TAFA2: variants seen among roughly 807,000 people sequenced by gnomAD.
The protein encoded by TAFA2 is TAFA chemokine like family member 2, also known as chemokine-like protein TAFA-2.
A neutral mutation model predicts 18.8 loss-of-function variants in TAFA2; 7 were observed. The ratio of observed to expected loss-of-function variants is 0.37; its 90% CI spans 0.21 to 0.70. The LOEUF (loss-of-function observed/expected upper bound fraction) is 0.70, where lower values mean the gene tolerates loss of function less well. Among genes scored for constraint, TAFA2 ranks in the 30% least tolerant of loss-of-function variants. The pLI is 0.53. For synonymous variants in TAFA2, 60 were observed against 54.2 expected (o/e 1.11, Z -0.47); for missense variants, 122 against 158.1 (o/e 0.77, Z 1.23).
chr12:61,877,958 TACAC>T (rs1179280949), intron 1 of TAFA2: 4 of 426,622 alleles, frequency 9.4e-6, no homozygotes, highest in Non-Finnish European at 1.9e-5. Context: ...TACATATATA[TACAC>T]ACACAGTGGA....
intron 1 of TAFA2, among the ~76,000 whole-genome samples, chr12:61,988,245 C>A (rs902926762): frequency 1.8e-4 from 28 of 152,030 alleles, no homozygotes; most frequent in African/African-American, 6.8e-4. Flanking sequence ...AATATATTCC[C>A]TTTTCACTTC....
chr12:61,931,525 TC>T (rs1354672017), intron 1 of TAFA2, among the ~76,000 whole-genome samples: 1 of 152,196 alleles, frequency 6.6e-6, no homozygotes, highest in Non-Finnish European at 1.5e-5. Context: ...CACACACCTA[TC>T]GTGGAATTTT....
At chr12:62,143,638 T>C (rs2062256177) in intron 1 of TAFA2, among the ~76,000 whole-genome samples, 1 of 152,154 alleles carries the variant, frequency 6.6e-6, no homozygotes, top group South Asian at 2.1e-4. Flanking sequence ...CTTTCAGCAG[T>C]AGCCCTGACA....
chr12:61,764,320 G>C (rs1449212997), intron 2 of TAFA2, among the ~76,000 whole-genome samples: 1 of 152,014 alleles, frequency 6.6e-6, no homozygotes, highest in Non-Finnish European at 1.5e-5. Context: ...ATACAAAACT[G>C]TAAAGAAATA....
At chr12:62,106,774 A>T (rs1869473903) in intron 1 of TAFA2, among the ~76,000 whole-genome samples, 1 of 152,198 alleles carries the variant, frequency 6.6e-6, no homozygotes, top group Admixed American at 6.5e-5. Context: ...CCTTTCAGCA[A>T]ATTAAAAGTT....
chr12:61,858,970 T>C (rs1160075245), intron 2 of TAFA2, among the ~76,000 whole-genome samples: 1 of 152,166 alleles, frequency 6.6e-6, no homozygotes, highest in Non-Finnish European at 1.5e-5. Flanking sequence ...ACATTGACAG[T>C]AAGAAGCAAA....
chr12:61,760,365 A>AATATATAT (rs71083956), intron 2 of TAFA2, among the ~76,000 whole-genome samples: 45 of 122,224 alleles, frequency 3.7e-4, no homozygotes, highest in African/African-American at 5.7e-4. Flanking sequence ...AAAATATCAA[A>AATATATAT]ATATATATAT....
At position 61,918,111 on chromosome 12, in the gene TAFA2, A is replaced by G. The variant is rs142922368; in HGVS notation, c.-1-50685T>C. Among the ~76,000 whole-genome samples, 412 of 152,214 alleles carry G rather than the reference A, an allele frequency of 2.7e-3. 3 individuals are homozygous for G. Among genetic ancestry groups the G allele is most frequent in the African/African-American group, 9.3e-3 (385 of 41,532 alleles). ...GCATGCAATATGTAATAATCACATGAGGGTAAACAGGACATCCATCACCTC... is the reference window on the plus strand; with the variant it reads ...GCATGCAATATGTAATAATCACATGGGGGTAAACAGGACATCCATCACCTC... On this transcript the variant is annotated intron_variant, in intron 1 of 4. Coordinates refer to ENST00000416284, the MANE Select transcript of TAFA2 (RefSeq NM_178539.5).
chr12:62,109,076 T>C (rs1017653705), intron 1 of TAFA2, among the ~76,000 whole-genome samples: 1 of 152,238 alleles, frequency 6.6e-6, no homozygotes, highest in East Asian at 1.9e-4. Context: ...CTGAATGGTA[T>C]TGCCTAGGTT....
intron 1 of TAFA2, among the ~76,000 whole-genome samples, chr12:61,877,174 T>C (rs1290073947): frequency 6.6e-6 from 1 of 152,220 alleles, no homozygotes; most frequent in African/African-American, 2.4e-5. Context: ...TAAGCCTCTA[T>C]AACATATTGC....
chr12:62,003,302 C>A (rs748771811), intron 1 of TAFA2, among the ~76,000 whole-genome samples: 6 of 152,126 alleles, frequency 3.9e-5, no homozygotes, highest in African/African-American at 1.2e-4. Flanking sequence ...CAGCCATGAA[C>A]CGCACCCCCT....
intron 2 of TAFA2, among the ~76,000 whole-genome samples, chr12:61,755,400 G>A (rs1462772362): frequency 6.6e-6 from 1 of 152,066 alleles, no homozygotes; most frequent in African/African-American, 2.4e-5. Flanking sequence ...CCTGCAATGG[G>A]ACTGAGGCCA....
intron 1 of TAFA2, among the ~76,000 whole-genome samples, chr12:62,015,005 C>T (rs1348077): frequency 0.76 from 114,975 of 152,046 alleles, 43,721 homozygotes; most frequent in African/African-American, 0.78. Flanking sequence ...AACTGTTTTC[C>T]AAAAAAGTCT....
At chr12:62,178,181 T>A (rs923059913) in intron 1 of TAFA2, among the ~76,000 whole-genome samples, 2 of 152,068 alleles carry the variant, frequency 1.3e-5, no homozygotes, top group Admixed American at 6.6e-5. Flanking sequence ...AAGTCTGTAG[T>A]CCTAACTTTT....
Position 62,043,096 on chromosome 12 carries a change from A to T in TAFA2, c.-2+148163T>A, listed in dbSNP as rs147732301. On this transcript the variant is annotated intron_variant, in intron 1 of 4. Coordinates refer to ENST00000416284, the MANE Select transcript of TAFA2 (RefSeq NM_178539.5). Reference sequence around the variant, plus strand: ...CTAAAACAGAAATGTAAAATATGTCATTTTAATTCACAATATTTTAATGTA... The same window carrying T: ...CTAAAACAGAAATGTAAAATATGTCTTTTTAATTCACAATATTTTAATGTA... 1.3e-3 allele frequency among the ~76,000 whole-genome samples: 191 copies of T among 152,300 alleles called. 1 individual carries two copies. The highest frequency in any genetic ancestry group is 4.4e-3 in the African/African-American group (181 of 41,560).
At chr12:61,927,171 A>C (rs754315529) in intron 1 of TAFA2, among the ~76,000 whole-genome samples, 1 of 151,962 alleles carries the variant, frequency 6.6e-6, no homozygotes, top group Non-Finnish European at 1.5e-5. Context: ...CAGGGCAATC[A>C]GGCAACAGAA....
intron 1 of TAFA2, among the ~76,000 whole-genome samples, chr12:62,149,320 G>C (rs1592367016): frequency 6.6e-6 from 1 of 152,024 alleles, no homozygotes. Context: ...CCCTTAAAAA[G>C]AGTTTTAAAA....
chr12:62,106,037 T>C (rs553056012), intron 1 of TAFA2, among the ~76,000 whole-genome samples: 47 of 151,966 alleles, frequency 3.1e-4, no homozygotes, highest in Non-Finnish European at 5.7e-4. Context: ...AGAAATGTCA[T>C]AAAGAAAAGT....
intron 1 of TAFA2, among the ~76,000 whole-genome samples, chr12:61,898,085 A>G (rs974850008): frequency 1.1e-4 from 16 of 152,218 alleles, no homozygotes; most frequent in African/African-American, 3.9e-4. Context: ...CTCCAAAACA[A>G]TCTTCTTCTA....
Sources: gnomAD v4.1 joint callset for allele counts (sites outside exome capture counted in the v4.1 genomes callset) on GRCh38, gnomAD v4.1.1 for gene constraint, MANE v1.5 for transcripts, NCBI Gene and HGNC (gene_info 2026-07-23, HGNC 2026-07-21) for gene names.